Variants in OPRM1 observed in about 807,000 individuals in gnomAD.
OPRM1 encodes mu-type opioid receptor.
In OPRM1, 27 loss-of-function variants were observed where a neutral mutation model predicts 31.8. The observed-to-expected ratio is 0.85, with a 90% CI of 0.63 to 1.17. The LOEUF (loss-of-function observed/expected upper bound fraction) is 1.17, where lower values mean the gene tolerates loss of function less well. Ranked by LOEUF, OPRM1 falls within the 50% of genes most tolerant of loss-of-function variation. The pLI is 0.00. For missense variants in OPRM1, 536 were observed against 511.1 expected (o/e 1.05, Z -0.47); for synonymous variants, 196 against 189.9 (o/e 1.03, Z -0.26).
chr6:154,135,254 A>C (rs1281293255), downstream of OPRM1, among the ~76,000 whole-genome samples: 2 of 152,174 alleles, frequency 1.3e-5, no homozygotes, highest in South Asian at 2.1e-4. Context: ...GGATCACCTG[A>C]GGTCCGGAGT....
chr6:154,246,761 C>T (rs751671320), exon 4 of OPRM1: 1 of 1,613,520 alleles, frequency 6.2e-7, no homozygotes, highest in East Asian at 2.2e-5. Flanking sequence ...GTGAGAAAAC[C>T]TGCAATGATT....
At chr6:154,044,049 AC>A (rs1168100201) in intron 1 of OPRM1, among the ~76,000 whole-genome samples, 1 of 152,074 alleles carries the variant, frequency 6.6e-6, no homozygotes, top group Non-Finnish European at 1.5e-5. Flanking sequence ...ATTTTATGAA[AC>A]ATCTCCAAAG....
At chr6:154,207,082 A>T (rs1777559736) in intron 3 of OPRM1, among the ~76,000 whole-genome samples, 1 of 152,214 alleles carries the variant, frequency 6.6e-6, no homozygotes, top group South Asian at 2.1e-4. Flanking sequence ...GACTAGAGAC[A>T]GGGAAAGAAA....
chr6:154,149,114 A>G (rs1380732638), intron 3 of OPRM1, among the ~76,000 whole-genome samples: 1 of 152,208 alleles, frequency 6.6e-6, no homozygotes, highest in Non-Finnish European at 1.5e-5. Flanking sequence ...CACTGCTGTG[A>G]AGACATACCT....
intron 3 of OPRM1, chr6:154,246,574 G>A: frequency 1.2e-6 from 2 of 1,602,116 alleles, no homozygotes; most frequent in Non-Finnish European, 1.7e-6. Flanking sequence ...GGAATAGGAG[G>A]AAGAAAGCAG....
intron 3 of OPRM1, among the ~76,000 whole-genome samples, chr6:154,146,476 G>T (rs1239006773): frequency 6.6e-6 from 1 of 152,204 alleles, no homozygotes; most frequent in Admixed American, 6.5e-5. Context: ...GTGGATAAGG[G>T]TAACACTTAA....
At chr6:154,143,538 T>C (rs1411213809) in intron 3 of OPRM1, among the ~76,000 whole-genome samples, 1 of 152,244 alleles carries the variant, frequency 6.6e-6, no homozygotes, top group Non-Finnish European at 1.5e-5. Context: ...TTGCCTTCTC[T>C]TGCATAAACT....
chr6:154,031,599 G>A (rs1280246665), intron 1 of OPRM1, among the ~76,000 whole-genome samples: 2 of 151,944 alleles, frequency 1.3e-5, no homozygotes, highest in Non-Finnish European at 2.9e-5. Context: ...AAATTAGCTG[G>A]GCATAGTCGT....
At chr6:154,036,391 C>T (rs979042302), upstream of OPRM1, among the ~76,000 whole-genome samples, 1 of 152,046 alleles carries the variant, frequency 6.6e-6, no homozygotes, top group Non-Finnish European at 1.5e-5. Context: ...TAACTATCCT[C>T]ACTGAAAGAT....
intron 1 of OPRM1, among the ~76,000 whole-genome samples, chr6:154,033,709 A>G (rs1055269893): frequency 1.3e-5 from 2 of 152,224 alleles, no homozygotes; most frequent in Non-Finnish European, 2.9e-5. Context: ...TCAATGGAGT[A>G]AAAGGAAACA....
At chr6:154,039,054 A>T, upstream of OPRM1, 1 of 1,318,956 alleles carries the variant, frequency 7.6e-7, no homozygotes, top group Middle Eastern at 1.9e-4. Context: ...AAGGAGAAAA[A>T]GGCGCTGGAA....
chr6:154,185,379 C>A (rs1801247124), intron 3 of OPRM1, among the ~76,000 whole-genome samples: 1 of 152,162 alleles, frequency 6.6e-6, no homozygotes, highest in South Asian at 2.1e-4. Flanking sequence ...ATATTTCTAA[C>A]AGGTACTTTG....
At chr6:154,164,412 G>T (rs1799262379) in intron 3 of OPRM1, among the ~76,000 whole-genome samples, 1 of 152,124 alleles carries the variant, frequency 6.6e-6, no homozygotes, top group East Asian at 1.9e-4. Context: ...TACAGAAGAA[G>T]GAAATTAATG....
chr6:154,125,344 T>C lies in OPRM1; in HGVS notation c.*6623T>C, dbSNP rs1797526769. Among the ~76,000 whole-genome samples the C allele has an allele frequency of 6.6e-6, 1 of 152,228 alleles. No individual in the cohort carries two copies. Among genetic ancestry groups the C allele is most frequent in the South Asian group, 2.1e-4 (1 of 4,836 alleles). ...ATTTCATGAATCAAATATCGTTTTCTACCTGCCCCACAACTGTGTACATAA... is the reference window on the plus strand; with the variant it reads ...ATTTCATGAATCAAATATCGTTTTCCACCTGCCCCACAACTGTGTACATAA... On this transcript the variant is annotated 3_prime_UTR_variant, in exon 4 of 4. Coordinates refer to ENST00000330432, the MANE Select transcript of OPRM1 (RefSeq NM_000914.5).
intron 3 of OPRM1, among the ~76,000 whole-genome samples, chr6:154,224,961 G>A (rs1779140673): frequency 6.6e-6 from 1 of 152,266 alleles, no homozygotes; most frequent in Admixed American, 6.5e-5. Context: ...AGTGCTTCCT[G>A]TGGATTCTCA....
At chr6:154,149,619 T>TGTGC (rs35481476) in intron 3 of OPRM1, among the ~76,000 whole-genome samples, 2 of 136,736 alleles carry the variant, frequency 1.5e-5, no homozygotes, top group Non-Finnish European at 3.1e-5. Context: ...TGTGTGTGTG[T>TGTGC]GCGCGCGTGT....
At chr6:154,226,176 A>G (rs1162852739) in intron 3 of OPRM1, among the ~76,000 whole-genome samples, 1 of 152,014 alleles carries the variant, frequency 6.6e-6, no homozygotes, top group African/African-American at 2.4e-5. Flanking sequence ...GATCATACAC[A>G]CCCTCATGGC....
At chr6:154,050,929 A>G (rs981612381) in intron 1 of OPRM1, among the ~76,000 whole-genome samples, 1 of 152,206 alleles carries the variant, frequency 6.6e-6, no homozygotes, top group Non-Finnish European at 1.5e-5. Context: ...AGATTAAAAT[A>G]TATATTAGCA....
At chr6:154,103,515 G>A (rs73574539) in intron 3 of OPRM1, among the ~76,000 whole-genome samples, 4,941 of 152,124 alleles carry the variant, frequency 0.032, 276 homozygotes, top group African/African-American at 0.11. Flanking sequence ...ATACTATACT[G>A]TGTTTATGAT....
Sources: gnomAD v4.1 joint callset for allele counts (sites outside exome capture counted in the v4.1 genomes callset) on GRCh38, gnomAD v4.1.1 for gene constraint, MANE v1.5 for transcripts, NCBI Gene and HGNC (gene_info 2026-07-23, HGNC 2026-07-21) for gene names.